Variants in SGCD observed in about 807,000 individuals in gnomAD.
SGCD encodes sarcoglycan delta, also known as delta-sarcoglycan.
Under a neutral mutation model 36.6 loss-of-function variants are expected in SGCD, and 18 were observed. The observed-to-expected ratio is 0.49, with a 90% CI of 0.34 to 0.73. SGCD has a LOEUF of 0.73. Ranked by LOEUF, SGCD falls within the 30% of genes least tolerant of loss-of-function variation. SGCD has a pLI of 0.01. For synonymous variants in SGCD, 133 were observed against 130.6 expected, an observed-to-expected ratio of 1.02 and a Z score of -0.12; for missense variants, 387 against 346.7, an observed-to-expected ratio of 1.12 and a Z score of -0.92.
At chr5:156,373,885 G>T (rs979427395) in intron 3 of SGCD, among the ~76,000 whole-genome samples, 4 of 152,156 alleles carry the variant, frequency 2.6e-5, no homozygotes, top group Non-Finnish European at 4.4e-5. Context: ...AGCATGGAGG[G>T]CTTGATATGG....
Position 156,143,772 on chromosome 5 carries a change from A to G in SGCD, c.-44+19753A>G, listed in dbSNP as rs185615683. On this transcript the variant is annotated intron_variant, in intron 3 of 9. Transcript: ENST00000517913. ...TAAATTATACTCTAAGTTTTAGGGTACATGTGTACAATGTGCAGGTTTGTT... is the reference window on the plus strand; with the variant it reads ...TAAATTATACTCTAAGTTTTAGGGTGCATGTGTACAATGTGCAGGTTTGTT... Among the ~76,000 whole-genome samples, 4 of 151,958 alleles carry G rather than the reference A, an allele frequency of 2.6e-5. No individual in the cohort carries two copies. In the East Asian group the frequency reaches 5.8e-4, roughly 22 times the overall value.
intron 1 of SGCD, among the ~76,000 whole-genome samples, chr5:155,876,734 T>G (rs1755775920): frequency 6.6e-6 from 1 of 152,114 alleles, no homozygotes; most frequent in Admixed American, 6.6e-5. Context: ...AAATGGCATT[T>G]CGTTACTTGA....
At chr5:156,718,805 CAAA>C (rs34120629) in intron 7 of SGCD, among the ~76,000 whole-genome samples, 23,741 of 111,896 alleles carry the variant, frequency 0.21, 2,284 homozygotes, top group African/African-American at 0.31. Context: ...CTATTTCTAC[CAAA>C]AAAAAAAAAA....
intron 3 of SGCD, among the ~76,000 whole-genome samples, chr5:156,495,671 G>A (rs1437868091): frequency 6.6e-6 from 1 of 152,164 alleles, no homozygotes; most frequent in East Asian, 1.9e-4. Flanking sequence ...TGTGATGGTA[G>A]GAATTTAATC....
chr5:155,859,959 C>T, the SGCD span, among the ~76,000 whole-genome samples: 7 of 152,198 alleles, frequency 4.6e-5, no homozygotes, highest in African/African-American at 1.7e-4. Flanking sequence ...CCTGACAATC[C>T]AGACATTTCC....
intron 7 of SGCD, among the ~76,000 whole-genome samples, chr5:156,708,279 TAAAAAA>T (rs35320814): frequency 7.4e-5 from 11 of 149,120 alleles, no homozygotes; most frequent in Admixed American, 6.7e-5. Context: ...AGCATTCTAT[TAAAAAA>T]AAAAAAAAAA....
chr5:156,321,647 C>A (rs1767673020), intron 3 of SGCD, among the ~76,000 whole-genome samples: 1 of 152,052 alleles, frequency 6.6e-6, no homozygotes, highest in Non-Finnish European at 1.5e-5. Flanking sequence ...CAAATAGGAT[C>A]AACATGAGGA....
chr5:156,236,288 C>T (rs1016025969), intron 3 of SGCD, among the ~76,000 whole-genome samples: 1 of 152,014 alleles, frequency 6.6e-6, no homozygotes, highest in African/African-American at 2.4e-5. Context: ...GCAGTATTGT[C>T]CCTTTGCATT....
At chr5:155,873,842 A>G (rs991786921) in intron 1 of SGCD, among the ~76,000 whole-genome samples, 2 of 152,210 alleles carry the variant, frequency 1.3e-5, no homozygotes, top group African/African-American at 4.8e-5. Context: ...AAAACAACTT[A>G]TCCAAAATTT....
intron 3 of SGCD, among the ~76,000 whole-genome samples, chr5:156,505,573 GGT>G (rs997701718): frequency 6.6e-6 from 1 of 152,172 alleles, no homozygotes; most frequent in African/African-American, 2.4e-5. Context: ...GAGACTGTAT[GGT>G]GTGTCCAGGC....
chr5:156,336,374 G>A (rs1301608814), intron 2 of SGCD, among the ~76,000 whole-genome samples: 2 of 152,128 alleles, frequency 1.3e-5, no homozygotes, highest in African/African-American at 4.8e-5. Context: ...TGCTGCTTCT[G>A]TGTTTTCTTC....
chr5:156,115,397 C>T (rs907907003), intron 1 of SGCD, among the ~76,000 whole-genome samples: 1 of 151,906 alleles, frequency 6.6e-6, no homozygotes, highest in Non-Finnish European at 1.5e-5. Context: ...ATCCTATCTA[C>T]CCATAAGCAA....
At chr5:156,382,371 G>T (rs1161025494) in intron 3 of SGCD, among the ~76,000 whole-genome samples, 1 of 152,122 alleles carries the variant, frequency 6.6e-6, no homozygotes, top group Non-Finnish European at 1.5e-5. Context: ...AGGAATAAAA[G>T]CAAAAAGCCT....
At chr5:156,587,441 T>C (rs1403129882) in intron 4 of SGCD, among the ~76,000 whole-genome samples, 3 of 152,194 alleles carry the variant, frequency 2.0e-5, no homozygotes, top group Non-Finnish European at 4.4e-5. Context: ...GCTGTGATGA[T>C]ATGGTTGCTA....
At chr5:156,673,910 C>T (rs1753406265) in intron 7 of SGCD, among the ~76,000 whole-genome samples, 1 of 152,148 alleles carries the variant, frequency 6.6e-6, no homozygotes, top group Non-Finnish European at 1.5e-5. Context: ...TGACTGTGTA[C>T]TGATTAAAGT....
intron 1 of SGCD, among the ~76,000 whole-genome samples, chr5:155,956,763 TTC>T (rs144055876): frequency 0.014 from 2,089 of 151,466 alleles, 54 homozygotes; most frequent in African/African-American, 0.047. Context: ...GTGTCTTCTC[TTC>T]TTTTTATAAG....
intron 7 of SGCD, among the ~76,000 whole-genome samples, chr5:156,735,023 T>A (rs1024092992): frequency 3.3e-5 from 5 of 152,338 alleles, no homozygotes; most frequent in South Asian, 2.1e-4. Context: ...GATGGTTTTT[T>A]TGTTTTGTTT....
intron 1 of SGCD, among the ~76,000 whole-genome samples, chr5:155,899,796 GGA>G: frequency 6.6e-6 from 1 of 152,250 alleles, no homozygotes; most frequent in East Asian, 1.9e-4. Context: ...GAAGACTATA[GGA>G]GAGCTATTGT....
At chr5:155,779,734 C>A in the SGCD span, among the ~76,000 whole-genome samples, 16 of 152,250 alleles carry the variant, frequency 1.1e-4, no homozygotes, top group African/African-American at 3.4e-4. Context: ...AATGGCCAGA[C>A]TGACCTTCAG....
Sources: gnomAD v4.1 joint callset for allele counts (sites outside exome capture counted in the v4.1 genomes callset) on GRCh38, gnomAD v4.1.1 for gene constraint, MANE v1.5 for transcripts, NCBI Gene and HGNC (gene_info 2026-07-23, HGNC 2026-07-21) for gene names.